PPP1R1C: variants seen among roughly 807,000 people sequenced by gnomAD.
PPP1R1C encodes protein phosphatase 1 regulatory subunit 1C.
Under a neutral mutation model 17.4 loss-of-function variants are expected in PPP1R1C, and 15 were observed. The observed-to-expected ratio is 0.86, with a 90% CI of 0.58 to 1.33. PPP1R1C has a LOEUF of 1.33. Among genes scored for constraint, PPP1R1C ranks in the 40% most tolerant of loss-of-function variants. The pLI, the probability that PPP1R1C is intolerant of heterozygous loss-of-function variation, is 0.00. For missense variants in PPP1R1C, 143 were observed against 130.0 expected, an observed-to-expected ratio of 1.10 and a Z score of -0.48; for synonymous variants, 35 against 43.1, an observed-to-expected ratio of 0.81 and a Z score of 0.73.
chr2:182,128,995 A>C (rs1689942093), exon 6 of PPP1R1C: 2 of 152,118 alleles, frequency 1.3e-5, no homozygotes, highest in South Asian at 4.1e-4. Flanking sequence ...GTTGATAACA[A>C]CCAGAAGTTG....
chr2:182,096,478 T>C (rs1688941325), intron 4 of PPP1R1C, among the ~76,000 whole-genome samples: 1 of 152,120 alleles, frequency 6.6e-6, no homozygotes, highest in African/African-American at 2.4e-5. Context: ...TAGAAATAGA[T>C]CAAATTTCTT....
At chr2:182,080,997 T>A (rs74562445) in intron 4 of PPP1R1C, among the ~76,000 whole-genome samples, 2,408 of 152,370 alleles carry the variant, frequency 0.016, 27 homozygotes, top group Non-Finnish European at 0.022. Context: ...TCATTAGATA[T>A]AATTTTAGCA....
intron 2 of PPP1R1C, among the ~76,000 whole-genome samples, chr2:182,025,955 G>A (rs1686595840): frequency 6.9e-6 from 1 of 145,110 alleles, no homozygotes; most frequent in Non-Finnish European, 1.5e-5. Flanking sequence ...TTCTCTGCTG[G>A]CCAGTGATGA....
chr2:182,078,333 A>G (rs1688376295), intron 4 of PPP1R1C, among the ~76,000 whole-genome samples: 1 of 152,284 alleles, frequency 6.6e-6, no homozygotes, highest in South Asian at 2.1e-4. Context: ...GTCGTGTCTT[A>G]CTTTTTGCAG....
chr2:181,986,109 C>T lies in PPP1R1C; in HGVS notation c.-2C>T. 2 of 1,612,398 alleles carry T rather than the reference C, an allele frequency of 1.2e-6. No individual in the cohort carries two copies. Among genetic ancestry groups the T allele is most frequent in the East Asian group, 2.2e-5 (1 of 44,870 alleles). On this transcript the variant is annotated 5_prime_UTR_variant, in exon 1 of 5. Transcript: ENST00000682840. Reference sequence around the variant, plus strand: ...CATCTCTGACTAATTATCATCATTACCATGGAGCCCAACAGTCCCAAAAAG... The same window carrying T: ...CATCTCTGACTAATTATCATCATTATCATGGAGCCCAACAGTCCCAAAAAG...
chr2:182,031,772 T>G (rs1574395323), intron 2 of PPP1R1C, among the ~76,000 whole-genome samples: 1 of 152,360 alleles, frequency 6.6e-6, no homozygotes, highest in South Asian at 2.1e-4. Context: ...TTATAAATTC[T>G]ATAATTTATG....
At chr2:182,062,237 AC>A (rs1339719682) in intron 3 of PPP1R1C, among the ~76,000 whole-genome samples, 1 of 152,118 alleles carries the variant, frequency 6.6e-6, no homozygotes, top group Admixed American at 6.6e-5. Flanking sequence ...ATATCACAAG[AC>A]TTTTCTGAAA....
chr2:181,973,111 G>C (rs1685040501), intron 1 of PPP1R1C, among the ~76,000 whole-genome samples: 1 of 152,130 alleles, frequency 6.6e-6, no homozygotes, highest in African/African-American at 2.4e-5. Context: ...ACAGGTTGCT[G>C]TGGCATAAAT....
intron 4 of PPP1R1C, among the ~76,000 whole-genome samples, chr2:182,082,784 T>G (rs1250299674): frequency 1.3e-5 from 2 of 152,202 alleles, no homozygotes; most frequent in African/African-American, 4.8e-5. Flanking sequence ...AAGGGCATCC[T>G]TTCCTGTGTT....
intron 2 of PPP1R1C, among the ~76,000 whole-genome samples, chr2:181,979,786 G>C (rs1685161634): frequency 6.6e-6 from 1 of 152,230 alleles, no homozygotes; most frequent in Admixed American, 6.5e-5. Context: ...TCTTTGCATA[G>C]AGAGGGCAGC....
chr2:182,061,363 G>A (rs1438732799), intron 2 of PPP1R1C, 79 bp from the exon 3 acceptor site: 31 of 964,296 alleles, frequency 3.2e-5, no homozygotes, highest in East Asian at 6.1e-5. Context: ...ATTTTTATCC[G>A]TGTTGTTGAA....
chr2:182,083,887 G>GTA (rs1688552423), intron 4 of PPP1R1C, among the ~76,000 whole-genome samples: 1 of 152,116 alleles, frequency 6.6e-6, no homozygotes, highest in South Asian at 2.1e-4. Flanking sequence ...CACCAGCAGT[G>GTA]TATAAGCGTT....
intron 4 of PPP1R1C, among the ~76,000 whole-genome samples, chr2:182,116,265 A>G (rs2125237331): frequency 6.6e-6 from 1 of 152,336 alleles, no homozygotes; most frequent in South Asian, 2.1e-4. Context: ...CTCCAAATTA[A>G]ATTACATATT....
intron 4 of PPP1R1C, among the ~76,000 whole-genome samples, chr2:182,081,106 A>G (rs1688462062): frequency 6.6e-6 from 1 of 152,318 alleles, no homozygotes; most frequent in African/African-American, 2.4e-5. Flanking sequence ...GTTTGATTGC[A>G]TTTTAACAAG....
chr2:181,993,438 G>A (rs561687229), intron 2 of PPP1R1C, among the ~76,000 whole-genome samples: 38 of 152,190 alleles, frequency 2.5e-4, no homozygotes, highest in African/African-American at 7.5e-4. Flanking sequence ...CCAATTAAAT[G>A]TATTCAAATA....
chr2:182,096,534 G>A (rs138344046), intron 4 of PPP1R1C, among the ~76,000 whole-genome samples: 15 of 150,574 alleles, frequency 1.0e-4, no homozygotes, highest in African/African-American at 3.4e-4. Flanking sequence ...TCCGACTCCC[G>A]TGACCTCCCC....
exon 6 of PPP1R1C, chr2:182,129,157 T>A (rs1290373047): frequency 6.6e-6 from 1 of 152,172 alleles, no homozygotes; most frequent in African/African-American, 2.4e-5. Context: ...GACATGTTTT[T>A]CAGAAGCTGT....
chr2:182,060,539 A>G (rs927665707), intron 2 of PPP1R1C, among the ~76,000 whole-genome samples: 28 of 152,266 alleles, frequency 1.8e-4, no homozygotes, highest in African/African-American at 6.3e-4. Flanking sequence ...GCATATATAT[A>G]TCACTTTATC....
At chr2:181,987,947 T>A in intron 2 of PPP1R1C, 48 bp downstream of exon 2, 1 of 1,480,616 alleles carries the variant, frequency 6.8e-7, no homozygotes, top group Non-Finnish European at 9.3e-7. Context: ...AATGGAATTG[T>A]TTAAAGAACA....
Sources: allele counts gnomAD v4.1 joint callset (sites outside exome capture counted in the v4.1 genomes callset), GRCh38; gene constraint gnomAD v4.1.1; transcripts MANE v1.5; gene names NCBI Gene and HGNC (gene_info 2026-07-23, HGNC 2026-07-21).